RIPK4: variants seen among roughly 807,000 people sequenced by gnomAD.
RIPK4 encodes the protein receptor-interacting serine/threonine-protein kinase 4.
In RIPK4, 17 loss-of-function variants were observed where a neutral mutation model predicts 42.9. The observed-to-expected ratio is 0.40, with a 90% confidence interval of 0.27 to 0.59. The LOEUF is 0.59. RIPK4 is among the 20% of genes least tolerant of loss of function. RIPK4 has a pLI of 0.47. For synonymous variants in RIPK4, 498 were observed against 499.1 expected (o/e 1.00, Z 0.03); for missense variants, 897 against 1,104.4 (o/e 0.81, Z 2.66).
At chr21:41,743,826 G>C in intron 7 of RIPK4, 56 bp downstream of exon 7, 1 of 1,522,520 alleles carries the variant, frequency 6.6e-7, no homozygotes, top group Non-Finnish European at 8.8e-7. Flanking sequence ...ACTGAGTCCA[G>C]TCCACTGTCC....
At chr21:41,748,075 C>T (rs989365956) in intron 4 of RIPK4, among the ~76,000 whole-genome samples, 11 of 152,222 alleles carry the variant, frequency 7.2e-5, no homozygotes, top group Non-Finnish European at 1.0e-4. Flanking sequence ...GGGCTGTAGG[C>T]CACTGTGCGG....
At chr21:41,761,085 T>C (rs2061219021) in intron 1 of RIPK4, among the ~76,000 whole-genome samples, 1 of 152,202 alleles carries the variant, frequency 6.6e-6, no homozygotes, top group South Asian at 2.1e-4. Context: ...GGCCAGGCTC[T>C]GGGACCCATC....
chr21:41,746,467 C>T, intron 5 of RIPK4, 146 bp downstream of exon 5: 1 of 999,594 alleles, frequency 1.0e-6, no homozygotes, highest in African/African-American at 1.6e-5. Flanking sequence ...GGTGCTGGGT[C>T]CAACCTATCT....
At chr21:41,743,631 A>T in intron 7 of RIPK4, among the ~76,000 whole-genome samples, 1 of 152,190 alleles carries the variant, frequency 6.6e-6, no homozygotes, top group Admixed American at 6.5e-5. Flanking sequence ...GCCTCCACCC[A>T]TGGCACTGGC....
At position 41,741,224 on chromosome 21, in the gene RIPK4, G is replaced by C; in HGVS notation, c.1969C>G (p.Leu657Val). The change falls in exon 8 of 8, where the codon CTG (leucine) becomes GTG (valine). Residue 657 changes from leucine (L) to valine (V), a missense_variant. Leu to Val is a conservative substitution (Grantham distance 32, BLOSUM62 1). Transcript: ENST00000332512. ...TGHTSTARLL[L>V]HRGAGKEAMT... is the part of the protein sequence containing the mutation. The stretch of plus-strand genomic sequence containing the variant: ...GCCTCCTTGCCAGCGCCCCGATGCA[G>C]GAGCAGCCTGGCAGTGCTCGTGTGC... The C allele has an allele frequency of 6.2e-7, 1 of 1,609,068 alleles. No individual in the cohort carries two copies. The highest frequency in any genetic ancestry group is 1.1e-5 in the South Asian group (1 of 90,834).
intron 1 of RIPK4, among the ~76,000 whole-genome samples, chr21:41,760,276 C>T (rs1197710463): frequency 6.6e-6 from 1 of 152,200 alleles, no homozygotes; most frequent in African/African-American, 2.4e-5. Flanking sequence ...GGCAAGTGCT[C>T]GCTTGAATCC....
intron 1 of RIPK4, among the ~76,000 whole-genome samples, chr21:41,762,589 A>G (rs2146061508): frequency 6.6e-6 from 1 of 152,340 alleles, no homozygotes; most frequent in Admixed American, 6.5e-5. Context: ...AACAAGCTGC[A>G]AGAAGAGGCT....
At position 41,746,289 on chromosome 21, in the gene RIPK4, G is replaced by A. The variant is rs997134114; in HGVS notation, c.832+324C>T. 60 of 588,384 alleles carry A rather than the reference G, an allele frequency of 1.0e-4. No individual in the cohort carries two copies. The Admixed American group carries it at 1.3e-3, about 12-fold the overall frequency. The allele number at this position is 588,384 out of a possible 1,614,324, so 36.4% of individuals were successfully genotyped here. On this transcript the variant is annotated intron_variant, in intron 5 of 7. Coordinates refer to ENST00000332512, the MANE Select transcript of RIPK4 (RefSeq NM_020639.3). ...GAGAAGGGCGACGCCGCCGGCCACC[G>A]GCCAGGTAAGTCCCCGGGAAGAGCA... is the stretch of plus-strand genomic sequence containing the variant.
At chr21:41,766,552 G>A (rs1358305292) in intron 1 of RIPK4, among the ~76,000 whole-genome samples, 1 of 152,108 alleles carries the variant, frequency 6.6e-6, no homozygotes, top group African/African-American at 2.4e-5. Flanking sequence ...AGCACGACTG[G>A]GCGCCTTAGG....
intron 3 of RIPK4, among the ~76,000 whole-genome samples, chr21:41,750,161 C>T (rs184190217): frequency 1.3e-3 from 205 of 152,334 alleles, no homozygotes; most frequent in African/African-American, 4.6e-3. Context: ...ACAATGGCCA[C>T]TGTCAAACCA....
At chr21:41,765,964 G>C (rs991772246) in intron 1 of RIPK4, among the ~76,000 whole-genome samples, 1 of 152,194 alleles carries the variant, frequency 6.6e-6, no homozygotes, top group Admixed American at 6.5e-5. Context: ...AATTTAACAC[G>C]GGCGGCTCTG....
Position 41,741,537 on chromosome 21 carries a change from G to T in RIPK4, c.1656C>A (p.Ile552=). The stretch of plus-strand genomic sequence containing the variant: ...CGCCTCGGCGCAGCAGGATGCGCAC[G>T]ATATTCTCCTGCCCGTGCTGGCAGG... ...HVACQHGQEN[I]VRILLRRGVD... is the part of the protein sequence containing the mutation. Residue 552 remains isoleucine (I), a synonymous_variant, in exon 8 of 8, where the codon ATC becomes ATA. Transcript: ENST00000332512. The T allele has an allele frequency of 6.2e-7, 1 of 1,612,338 alleles. No individual in the cohort carries two copies. The highest frequency in any genetic ancestry group is 8.5e-7 in the Non-Finnish European group (1 of 1,180,008).
chr21:41,754,643 C>T (rs2061197702), intron 2 of RIPK4, among the ~76,000 whole-genome samples: 1 of 152,196 alleles, frequency 6.6e-6, no homozygotes, highest in South Asian at 2.1e-4. Context: ...CTGTTTCCTT[C>T]ACCTAAAGGC....
In RIPK4 at chr21:41,741,291, G is replaced by A. The variant is rs1299126758; in HGVS notation, c.1902C>T (p.Ser634=). The A allele has an allele frequency of 6.2e-7, 1 of 1,608,228 alleles. No homozygotes were observed. Among genetic ancestry groups the A allele is most frequent in the Non-Finnish European group, 8.5e-7 (1 of 1,179,692 alleles). Residue 634 remains serine, a synonymous_variant, in exon 8 of 8, where the codon AGC becomes AGT. Coordinates refer to ENST00000332512, the MANE Select transcript of RIPK4 (RefSeq NM_020639.3). The part of the protein sequence containing the change: ...IDLCSDVNVC[S]LLAQTPLHVA... ...CGTGCAGGGGTGTCTGTGCCAGCAG[G>A]CTGCAGACGTTGACGTCGGAGCACA... is the stretch of plus-strand genomic sequence containing the variant.
Position 41,751,271 on chromosome 21 carries a change from C to G in RIPK4, c.475-26G>C. Reference sequence around the variant, plus strand: ...CTGCAACACAGCCATCAGAGCGGGGCTCATTAGCCTGCAACAGTGATATTT... The same window carrying G: ...CTGCAACACAGCCATCAGAGCGGGGGTCATTAGCCTGCAACAGTGATATTT... On this transcript the variant is annotated intron_variant, in intron 2 of 7. Transcript: ENST00000332512. This position sits in a 1 kb window ranked among gnomAD's most constrained non-coding sequence, Gnocchi z 4.5. The G allele has an allele frequency of 5.0e-6, 8 of 1,612,032 alleles. No homozygotes were observed. Among genetic ancestry groups the G allele is most frequent in the Non-Finnish European group, 6.8e-6 (8 of 1,178,692 alleles).
At chr21:41,763,471 CT>C (rs1340815725) in intron 1 of RIPK4, among the ~76,000 whole-genome samples, 1 of 152,128 alleles carries the variant, frequency 6.6e-6, no homozygotes, top group Non-Finnish European at 1.5e-5. Flanking sequence ...GGGACATGGT[CT>C]TGTGCAAGCG....
rs892054107 is a variant in RIPK4, at chr21:41,742,148, G to A, written c.1196-151C>T. Reference sequence around the variant, plus strand: ...CCGACTGTGTTTGAGCGTTGTCTGTGCCTCGTGATTAAGGTCAGTCCTAGC... The same window carrying A: ...CCGACTGTGTTTGAGCGTTGTCTGTACCTCGTGATTAAGGTCAGTCCTAGC... On this transcript the variant is annotated intron_variant, in intron 7 of 7. Coordinates refer to ENST00000332512, the MANE Select transcript of RIPK4 (RefSeq NM_020639.3). The surrounding 1 kb of genome is among the most constrained non-coding windows in gnomAD (Gnocchi z 5.1). 138 of 732,306 alleles carry A rather than the reference G, an allele frequency of 1.9e-4. No individual in the cohort carries two copies. Among genetic ancestry groups the A allele is most frequent in the Non-Finnish European group, 5.6e-5 (25 of 443,774 alleles). 45.4% of individuals were successfully genotyped at this position (732,306 alleles called of 1,614,324 possible). A position where few individuals can be genotyped will look rare whatever the true frequency, so the allele number is the denominator to read the frequency against.
chr21:41,742,075 G>A lies in RIPK4; in HGVS notation c.1196-78C>T. 7.5e-7 allele frequency: 1 copy of A among 1,325,480 alleles called. No individual in the cohort carries two copies. The allele number at this position is 1,325,480 out of a possible 1,614,324, so 82.1% of individuals were successfully genotyped here. A position where few individuals can be genotyped will look rare whatever the true frequency, so the allele number is the denominator to read the frequency against. ...TGGCGTCTCTGGGAGCCTGGCTGTG[G>A]CGCTCAGGTGGAGGAGTGCCATGGC... On this transcript the variant is annotated intron_variant, in intron 7 of 7. Coordinates refer to ENST00000332512, the MANE Select transcript of RIPK4 (RefSeq NM_020639.3). This position sits in a 1 kb window ranked among gnomAD's most constrained non-coding sequence, Gnocchi z 5.1.
At chr21:41,747,599 T>A (rs934148947) in intron 4 of RIPK4, among the ~76,000 whole-genome samples, 2 of 152,174 alleles carry the variant, frequency 1.3e-5, no homozygotes, top group African/African-American at 4.8e-5. Flanking sequence ...CAGCCGAGAA[T>A]CACCCACGGC....
Sources: gnomAD v4.1 joint callset for allele counts (sites outside exome capture counted in the v4.1 genomes callset) on GRCh38, gnomAD v4.1.1 for gene constraint, Gnocchi (gnomAD v3.1) non-coding constraint, MANE v1.5 for transcripts, NCBI Gene and HGNC (gene_info 2026-07-23, HGNC 2026-07-21) for gene names.